The following CELF2 variants were observed in gnomAD, a reference collection of about 807,000 sequenced individuals.
The protein encoded by CELF2 is CUGBP Elav-like family member 2, also known as CUG triplet repeat RNA-binding protein 2.
In CELF2, 8 loss-of-function variants were observed where a neutral mutation model predicts 62.6. The observed-to-expected ratio is 0.13, with a 90% CI of 0.07 to 0.23. CELF2 has a LOEUF of 0.23. Ranked by LOEUF, CELF2 falls within the 10% of genes least tolerant of loss-of-function variation. The probability of loss-of-function intolerance (pLI) is 1.00; values close to 1 mark genes in which losing one functional copy is unlikely to be tolerated. For synonymous variants in CELF2, 258 were observed against 250.0 expected, an observed-to-expected ratio of 1.03 and a Z score of -0.30; for missense variants, 333 against 671.0, an observed-to-expected ratio of 0.50 and a Z score of 5.56.
intron 2 of CELF2, among the ~76,000 whole-genome samples, chr10:10,991,159 A>T (rs1204610738): frequency 1.3e-5 from 2 of 151,714 alleles, no homozygotes; most frequent in Non-Finnish European, 2.9e-5. Context: ...CAAAATACAG[A>T]CTCTCTCTTT....
At chr10:10,690,874 G>C in the CELF2 span, among the ~76,000 whole-genome samples, 2 of 152,022 alleles carry the variant, frequency 1.3e-5, no homozygotes, top group East Asian at 3.9e-4. Context: ...GTGAAACTCT[G>C]TCTCGAAAAA....
the CELF2 span, among the ~76,000 whole-genome samples, chr10:10,754,193 G>A: frequency 1.3e-5 from 2 of 149,728 alleles, no homozygotes; most frequent in African/African-American, 4.9e-5. Flanking sequence ...CACCCAGGCT[G>A]GAATGCAGTG....
intron 1 of CELF2, among the ~76,000 whole-genome samples, chr10:10,822,844 T>A (rs946701407): frequency 9.9e-5 from 15 of 152,226 alleles, no homozygotes; most frequent in African/African-American, 3.4e-4. Context: ...ATTTCTTGTC[T>A]TGCTTGGAAA....
chr10:11,021,806 T>C (rs1166424295), intron 1 of CELF2, among the ~76,000 whole-genome samples: 1 of 152,170 alleles, frequency 6.6e-6, no homozygotes, highest in Non-Finnish European at 1.5e-5. Flanking sequence ...AATTAAAGGA[T>C]ATGACATACC....
chr10:10,981,859 G>A (rs1289514946), intron 2 of CELF2, among the ~76,000 whole-genome samples: 1 of 151,860 alleles, frequency 6.6e-6, no homozygotes, highest in African/African-American at 2.4e-5. Context: ...GCTTAGAAAG[G>A]CTACACAGTC....
chr10:10,626,305 A>T, the CELF2 span, among the ~76,000 whole-genome samples: 1 of 152,288 alleles, frequency 6.6e-6, no homozygotes, highest in African/African-American at 2.4e-5. Context: ...GGTTATTTTC[A>T]TGTCAAGATC....
In CELF2 at chr10:11,305,859, T is replaced by C. The variant is rs1234862537; in HGVS notation, c.977-8280T>C. 1.3e-5 allele frequency among the ~76,000 whole-genome samples: 2 copies of C among 152,206 alleles called. No individual in the cohort carries two copies. The highest frequency in any genetic ancestry group is 3.9e-4 in the East Asian group (2 of 5,194). The stretch of plus-strand genomic sequence containing the variant: ...AAGAACTTCTGTGGCCAGGCCAAGG[T>C]GGGCATATCCTCACCATCAGGGTCT... On this transcript the variant is annotated intron_variant, in intron 9 of 12. Transcript: ENST00000633077. The surrounding 1 kb of genome is among the most constrained non-coding windows in gnomAD (Gnocchi z 4.8).
the CELF2 span, among the ~76,000 whole-genome samples, chr10:10,547,690 AGAGTGTGTGTGT>A: frequency 4.8e-4 from 63 of 131,122 alleles, no homozygotes; most frequent in African/African-American, 1.9e-3. Flanking sequence ...AGAGAGAGAG[AGAGTGTGTGTGT>A]GTGTGTGTGT....
chr10:10,669,910 T>G, the CELF2 span, among the ~76,000 whole-genome samples: 1 of 149,362 alleles, frequency 6.7e-6, no homozygotes, highest in Admixed American at 6.7e-5. Context: ...TTTTTTTTTT[T>G]TTTTTTTTTG....
chr10:11,298,379 AG>A (rs916308409), intron 9 of CELF2, among the ~76,000 whole-genome samples: 1 of 152,236 alleles, frequency 6.6e-6, no homozygotes, highest in Non-Finnish European at 1.5e-5. Context: ...AGCCTGAGGG[AG>A]GGAACACTGA....
chr10:10,693,679 C>G, the CELF2 span, among the ~76,000 whole-genome samples: 1 of 151,492 alleles, frequency 6.6e-6, no homozygotes, highest in Non-Finnish European at 1.5e-5. Context: ...ATTATTGCCA[C>G]AATTTCAGCT....
chr10:10,684,679 G>A, the CELF2 span, among the ~76,000 whole-genome samples: 3 of 152,122 alleles, frequency 2.0e-5, no homozygotes, highest in African/African-American at 4.8e-5. Flanking sequence ...AGGAGGTTGA[G>A]CCTGCAGTGA....
At chr10:10,578,598 C>T in the CELF2 span, among the ~76,000 whole-genome samples, 1 of 152,084 alleles carries the variant, frequency 6.6e-6, no homozygotes, top group Non-Finnish European at 1.5e-5. Context: ...AAAGGGAGAA[C>T]ATATTGGTAT....
chr10:10,555,479 CAAGTT>C, the CELF2 span, among the ~76,000 whole-genome samples: 2 of 152,086 alleles, frequency 1.3e-5, no homozygotes, highest in Non-Finnish European at 2.9e-5. Context: ...CTGGCAAACC[CAAGTT>C]ATGTTTCTTT....
At position 11,243,792 on chromosome 10, in the gene CELF2, C is replaced by G. The variant is rs960897174; in HGVS notation, c.355-5361C>G. ...ATACTGTGTCTGAAAAATACTCACTCCTGAATTAAAACTTCCCATTCTGTG... is the reference window on the plus strand; with the variant it reads ...ATACTGTGTCTGAAAAATACTCACTGCTGAATTAAAACTTCCCATTCTGTG... On this transcript the variant is annotated intron_variant, in intron 3 of 12. Coordinates refer to ENST00000633077, the MANE Select transcript of CELF2 (RefSeq NM_001326342.2). This position sits in a 1 kb window ranked among gnomAD's most constrained non-coding sequence, Gnocchi z 4.1. Among the ~76,000 whole-genome samples the G allele has an allele frequency of 6.6e-6, 1 of 152,188 alleles. No individual in the cohort carries two copies. The highest frequency in any genetic ancestry group is 2.4e-5 in the African/African-American group (1 of 41,426).
chr10:10,829,333 A>G (rs1437541433), intron 1 of CELF2, among the ~76,000 whole-genome samples: 2 of 152,246 alleles, frequency 1.3e-5, no homozygotes, highest in Non-Finnish European at 2.9e-5. Flanking sequence ...ACTTTTGATT[A>G]TAAATCAATC....
At chr10:10,981,950 C>CTTT (rs34134637) in intron 2 of CELF2, among the ~76,000 whole-genome samples, 217 of 125,340 alleles carry the variant, frequency 1.7e-3, no homozygotes, top group Middle Eastern at 9.1e-3. Flanking sequence ...CTTCCTTTTC[C>CTTT]TTTTTTTTTT....
chr10:10,977,260 C>A (rs1004076688), intron 2 of CELF2, among the ~76,000 whole-genome samples: 1 of 152,150 alleles, frequency 6.6e-6, no homozygotes, highest in African/African-American at 2.4e-5. Context: ...TCCAAGGGAA[C>A]AAGAATTCAG....
At chr10:10,773,026 G>C in the CELF2 span, among the ~76,000 whole-genome samples, 3 of 152,088 alleles carry the variant, frequency 2.0e-5, no homozygotes, top group African/African-American at 7.2e-5. Flanking sequence ...ACATTTGAAT[G>C]GGGGGGACAG....
Sources: allele counts gnomAD v4.1 joint callset (sites outside exome capture counted in the v4.1 genomes callset), GRCh38; gene constraint gnomAD v4.1.1; non-coding constraint Gnocchi (gnomAD v3.1); transcripts MANE v1.5; gene names NCBI Gene and HGNC (gene_info 2026-07-23, HGNC 2026-07-21).